Variants in MYO1E observed in about 807,000 individuals in gnomAD.
MYO1E encodes unconventional myosin-Ie.
A neutral mutation model predicts 151.1 loss-of-function variants in MYO1E; 68 were observed. The observed-to-expected ratio is 0.45, with a 90% CI of 0.37 to 0.55. MYO1E has a LOEUF of 0.55. Among genes scored for constraint, MYO1E ranks in the 20% least tolerant of loss-of-function variants. MYO1E has a pLI of 0.00. For missense variants in MYO1E, 1,363 were observed against 1,389.3 expected, an observed-to-expected ratio of 0.98 and a Z score of 0.30; for synonymous variants, 601 against 501.7, an observed-to-expected ratio of 1.20 and a Z score of -2.64.
At chr15:59,236,413 C>CAA (rs2080066449) in intron 5 of MYO1E, among the ~76,000 whole-genome samples, 172 bp downstream of exon 5, 1 of 140,380 alleles carries the variant, frequency 7.1e-6, no homozygotes, top group South Asian at 2.2e-4. Context: ...CACACACACA[C>CAA]ACACACAAAC....
chr15:59,217,587 G>A (rs1286685782), intron 10 of MYO1E, among the ~76,000 whole-genome samples: 7 of 133,052 alleles, frequency 5.3e-5, no homozygotes, highest in Admixed American at 8.5e-5. Context: ...GTGCAGTGGC[G>A]TAATCTCGGC....
Position 59,329,119 on chromosome 15 carries a change from T to G in MYO1E, c.3+43379A>C, listed in dbSNP as rs1003705238. On this transcript the variant is annotated intron_variant, in intron 1 of 27. Coordinates refer to ENST00000288235, the MANE Select transcript of MYO1E (RefSeq NM_004998.4). ...GACAACAGTAACAATTAACATTGAC[T>G]GAATGCTTACTGTTAATTTAACAAA... 3.7e-4 allele frequency among the ~76,000 whole-genome samples: 57 copies of G among 152,228 alleles called. 1 individual carries two copies.
rs1201246313 is a variant in MYO1E at position 59,202,256 on chromosome 15, GTGCAGTTCCT to G, written c.1698+60_1698+69del. The G allele has an allele frequency of 5.2e-6, 7 of 1,349,626 alleles. No individual in the cohort carries two copies. The Admixed American group carries it at 8.4e-5, about 16-fold the overall frequency. The allele number at this position is 1,349,626 out of a possible 1,614,324, so 83.6% of individuals were successfully genotyped here. A position where few individuals can be genotyped will look rare whatever the true frequency, so the allele number is the denominator to read the frequency against. ...TCACTGACCTCATCCTGGCCCAGGG[GTGCAGTTCCT>G]TACTCCTAGAAAGCGCTAGCCCTTA... is the stretch of plus-strand genomic sequence containing the variant. On this transcript the variant is annotated intron_variant, in intron 16 of 27. Transcript: ENST00000288235.
In MYO1E at chr15:59,317,946, G is replaced by A. The variant is rs139797248; in HGVS notation, c.4-45497C>T. 3.9e-5 allele frequency among the ~76,000 whole-genome samples: 6 copies of A among 152,326 alleles called. No homozygotes were observed. In the East Asian group the frequency reaches 9.6e-4, roughly 24 times the overall value. On this transcript the variant is annotated intron_variant, in intron 1 of 27. Coordinates refer to ENST00000288235, the MANE Select transcript of MYO1E (RefSeq NM_004998.4). Reference sequence around the variant, plus strand: ...TGTGGAAACTGAGGTAGAAGGTTATGAAATTTGTTTCAAGGTAGCTAGTAA... The same window carrying A: ...TGTGGAAACTGAGGTAGAAGGTTATAAAATTTGTTTCAAGGTAGCTAGTAA...
At position 59,153,612 on chromosome 15, in the gene MYO1E, C is replaced by A; in HGVS notation, c.3058G>T (p.Val1020Phe). Reference sequence around the variant, plus strand: ...TACCCTGCAGCTCCCTGGTCCGGGACCTTGAGGAAATCCAGGCTCTCTGGC... The same window carrying A: ...TACCCTGCAGCTCCCTGGTCCGGGAACTTGAGGAAATCCAGGCTCTCTGGC... The part of the protein sequence containing the change: ...QTPESLDFLK[V>F]PDQGAAGVRR... Residue 1020 changes from valine to phenylalanine, a missense_variant, in exon 26 of 28, where the codon GTC becomes TTC. Coordinates refer to ENST00000288235, the MANE Select transcript of MYO1E (RefSeq NM_004998.4). The A allele has an allele frequency of 1.9e-6, 3 of 1,614,146 alleles. No homozygotes were observed. The highest frequency in any genetic ancestry group is 2.5e-6 in the Non-Finnish European group (3 of 1,180,024).
chr15:59,169,976 G>A (rs768901083), intron 22 of MYO1E, among the ~76,000 whole-genome samples: 10 of 152,042 alleles, frequency 6.6e-5, no homozygotes, highest in Non-Finnish European at 1.5e-4. Context: ...CCTGGCCAAC[G>A]TGGTGAAACC....
At chr15:59,251,921 A>C (rs1424282099) in intron 4 of MYO1E, among the ~76,000 whole-genome samples, 1 of 152,262 alleles carries the variant, frequency 6.6e-6, no homozygotes, top group East Asian at 1.9e-4. Flanking sequence ...AAACCAGAAA[A>C]GAAATTTTAA....
intron 1 of MYO1E, among the ~76,000 whole-genome samples, chr15:59,322,883 C>T (rs894932480): frequency 2.0e-5 from 3 of 151,786 alleles, no homozygotes; most frequent in Admixed American, 6.6e-5. Flanking sequence ...GCTTTCTGGC[C>T]GGGCACGGTG....
At chr15:59,323,460 G>T (rs1194093306) in intron 1 of MYO1E, among the ~76,000 whole-genome samples, 1 of 151,768 alleles carries the variant, frequency 6.6e-6, no homozygotes, top group African/African-American at 2.4e-5. Context: ...AGACCATCCT[G>T]GTTAACATGG....
chr15:59,212,966 G>C (rs1394682018), intron 12 of MYO1E, among the ~76,000 whole-genome samples: 2 of 152,078 alleles, frequency 1.3e-5, no homozygotes, highest in African/African-American at 4.8e-5. Flanking sequence ...AGGAGGAGGA[G>C]GAGTGTGGCC....
intron 15 of MYO1E, among the ~76,000 whole-genome samples, chr15:59,204,978 T>C (rs2079823658): frequency 6.6e-6 from 1 of 152,120 alleles, no homozygotes; most frequent in African/African-American, 2.4e-5. Flanking sequence ...GAAGGACCTG[T>C]AGATGGCACT....
At chr15:59,165,805 G>A (rs192255761) in intron 22 of MYO1E, among the ~76,000 whole-genome samples, 38 of 152,370 alleles carry the variant, frequency 2.5e-4, no homozygotes, top group African/African-American at 8.2e-4. Context: ...ATTAGGTAGA[G>A]TGCATGCAAA....
At chr15:59,234,940 G>T (rs1174274697) in intron 5 of MYO1E, among the ~76,000 whole-genome samples, 1 of 151,920 alleles carries the variant, frequency 6.6e-6, no homozygotes. Flanking sequence ...ACTAATCTTT[G>T]GAAGGAATTC....
In MYO1E at chr15:59,153,593, G is replaced by A. The variant is rs752797200; in HGVS notation, c.3077C>T (p.Ala1026Val). ...CCAGAGGATGTGAGAATCTTACCCT[G>A]CAGCTCCCTGGTCCGGGACCTTGAG... ...DFLKVPDQGA[A>V]GVRRQTTSRP... Residue 1026 changes from alanine to valine, a missense_variant, in exon 26 of 28, where the codon GCA becomes GTA. Transcript: ENST00000288235. 2 of 1,614,020 alleles carry A rather than the reference G, an allele frequency of 1.2e-6. No individual in the cohort carries two copies. Among genetic ancestry groups the A allele is most frequent in the African/African-American group, 1.3e-5 (1 of 75,030 alleles).
intron 1 of MYO1E, among the ~76,000 whole-genome samples, chr15:59,316,830 A>C (rs1166867026): frequency 1.3e-5 from 2 of 152,228 alleles, no homozygotes; most frequent in African/African-American, 4.8e-5. Context: ...ATACAAAGCA[A>C]ATAATGCAAC....
intron 2 of MYO1E, 91 bp downstream of exon 2, chr15:59,272,215 C>T (rs910880351): frequency 4.7e-5 from 69 of 1,468,576 alleles, no homozygotes; most frequent in Admixed American, 1.8e-4. Context: ...GGATTACACA[C>T]GTGAGCCACT....
At chr15:59,302,382 C>T (rs1298688714) in intron 1 of MYO1E, among the ~76,000 whole-genome samples, 12 of 152,112 alleles carry the variant, frequency 7.9e-5, no homozygotes, top group Admixed American at 7.2e-4. Context: ...AGGTGAGACG[C>T]GGGGCAGTGT....
chr15:59,291,153 G>C (rs1326882971), intron 1 of MYO1E, among the ~76,000 whole-genome samples: 2 of 152,200 alleles, frequency 1.3e-5, no homozygotes, highest in African/African-American at 4.8e-5. Context: ...CAAAAATGCT[G>C]AAAGGATTTG....
chr15:59,231,683 A>T lies in MYO1E; in HGVS notation c.510+19T>A. 2.5e-6 allele frequency: 4 copies of T among 1,611,772 alleles called. No individual in the cohort carries two copies. The highest frequency in any genetic ancestry group is 3.4e-6 in the Non-Finnish European group (4 of 1,177,866). ...ATCATCAATCAAGCGACACTCTCTG[A>T]AACAGGGAAGGGACTTACAAATCGG... On this transcript the variant is annotated intron_variant, in intron 6 of 27. Coordinates refer to ENST00000288235, the MANE Select transcript of MYO1E (RefSeq NM_004998.4).
Sources: gnomAD v4.1 joint callset for allele counts (sites outside exome capture counted in the v4.1 genomes callset) on GRCh38, gnomAD v4.1.1 for gene constraint, MANE v1.5 for transcripts, NCBI Gene and HGNC (gene_info 2026-07-23, HGNC 2026-07-21) for gene names.